CNTNAP2: variants seen among roughly 807,000 people sequenced by gnomAD.
CNTNAP2 encodes contactin associated protein 2.
CNTNAP2 carries 98 observed loss-of-function variants against 155.2 expected under a neutral mutation model. The ratio of observed to expected loss-of-function variants is 0.63; its 90% confidence interval spans 0.54 to 0.75. The LOEUF (loss-of-function observed/expected upper bound fraction) is 0.75, where lower values mean the gene tolerates loss of function less well. Among genes scored for constraint, CNTNAP2 ranks in the 30% least tolerant of loss-of-function variants. The probability of loss-of-function intolerance (pLI) is 0.00; values close to 1 mark genes in which losing one functional copy is unlikely to be tolerated. For synonymous variants in CNTNAP2, 651 were observed against 631.2 expected, an observed-to-expected ratio of 1.03 and a Z score of -0.47; for missense variants, 1,727 against 1,688.1, an observed-to-expected ratio of 1.02 and a Z score of -0.40.
rs112352086 is a variant in CNTNAP2, at chr7:147,391,122, T to C, written c.1499-4487T>C. On this transcript the variant is annotated intron_variant, in intron 9 of 23. Transcript: ENST00000361727. Reference sequence around the variant, plus strand: ...TCTTAAGACCTGTAAACAAGTTTTGTGCCATCCTCACACCACATATACAAT... The same window carrying C: ...TCTTAAGACCTGTAAACAAGTTTTGCGCCATCCTCACACCACATATACAAT... 1.8e-3 allele frequency among the ~76,000 whole-genome samples: 279 copies of C among 152,280 alleles called. 1 individual carries two copies. Among genetic ancestry groups the C allele is most frequent in the African/African-American group, 6.4e-3 (267 of 41,582 alleles).
intron 8 of CNTNAP2, among the ~76,000 whole-genome samples, chr7:147,239,344 A>G (rs1369022744): frequency 2.0e-5 from 3 of 147,524 alleles, no homozygotes; most frequent in East Asian, 3.9e-4. Flanking sequence ...CGTCTCTACT[A>G]AAAAAAAAAT....
At chr7:146,904,450 T>C (rs1441850147) in intron 3 of CNTNAP2, among the ~76,000 whole-genome samples, 1 of 152,136 alleles carries the variant, frequency 6.6e-6, no homozygotes, top group Admixed American at 6.5e-5. Context: ...ATTCAAACTT[T>C]GTTGAATGAG....
intron 8 of CNTNAP2, among the ~76,000 whole-genome samples, chr7:147,176,301 C>A (rs1482890713): frequency 6.6e-6 from 1 of 152,108 alleles, no homozygotes; most frequent in Non-Finnish European, 1.5e-5. Context: ...CCCTTCAGTG[C>A]TACGGATTAA....
rs71527884 is a variant in CNTNAP2, at chr7:148,181,741, CTTTTTTTTTTT to C, written c.3010+9287_3010+9297del. Among the ~76,000 whole-genome samples, 5 of 48,648 alleles carry C rather than the reference CTTTTTTTTTTT, an allele frequency of 1.0e-4. No individual in the cohort carries two copies. The Admixed American group carries it at 1.1e-3, about 11-fold the overall frequency. The allele number at this position is 48,648 out of a possible 152,430, so 31.9% of individuals were successfully genotyped here. The stretch of plus-strand genomic sequence containing the variant: ...ATAACTTTTGTTTCAAGTGTGTGCC[CTTTTTTTTTTT>C]TTTTTTTTTTTTTTTTTTTTTTTGA... On this transcript the variant is annotated intron_variant, in intron 18 of 23. Coordinates refer to ENST00000361727, the MANE Select transcript of CNTNAP2 (RefSeq NM_014141.6).
intron 1 of CNTNAP2, among the ~76,000 whole-genome samples, chr7:146,728,611 CAAAAAA>C (rs35250478): frequency 8.7e-6 from 1 of 115,154 alleles, no homozygotes; most frequent in African/African-American, 2.7e-5. Context: ...TTTTAGGCTG[CAAAAAA>C]AAAAAAAACG....
At chr7:146,330,105 C>T (rs1300604486) in intron 1 of CNTNAP2, among the ~76,000 whole-genome samples, 2 of 146,538 alleles carry the variant, frequency 1.4e-5, no homozygotes, top group African/African-American at 5.2e-5. Flanking sequence ...TCACTGCAAC[C>T]TCCGCCTCCC....
In CNTNAP2 at chr7:147,919,497, C is replaced by T. The variant is rs778985907; in HGVS notation, c.2255+15776C>T. On this transcript the variant is annotated intron_variant, in intron 14 of 23. Transcript: ENST00000361727. ...TTTTTGAGACAGAGTCTTGCTCTGT[C>T]TCCCAGGCTGGAGTGCAGTGGCGCA... Among the ~76,000 whole-genome samples, 13 of 35,814 alleles carry T rather than the reference C, an allele frequency of 3.6e-4. 2 individuals are homozygous for T. Among genetic ancestry groups the T allele is most frequent in the Non-Finnish European group, 7.2e-4 (12 of 16,716 alleles). The allele number at this position is 35,814 out of a possible 152,430, so 23.5% of individuals were successfully genotyped here.
intron 3 of CNTNAP2, among the ~76,000 whole-genome samples, chr7:146,971,735 C>T (rs1448024513): frequency 1.3e-5 from 2 of 152,104 alleles, no homozygotes; most frequent in African/African-American, 4.8e-5. Context: ...GGCACTCATT[C>T]CATTCATGAG....
intron 1 of CNTNAP2, among the ~76,000 whole-genome samples, chr7:146,457,438 A>ATT (rs1796570790): frequency 7.4e-6 from 1 of 135,692 alleles, no homozygotes; most frequent in African/African-American, 2.7e-5. Flanking sequence ...GAAGCTATAA[A>ATT]TGAATCAAAT....
At chr7:148,001,891 A>G (rs1801905612) in intron 15 of CNTNAP2, among the ~76,000 whole-genome samples, 1 of 152,194 alleles carries the variant, frequency 6.6e-6, no homozygotes, top group African/African-American at 2.4e-5. Context: ...ACTTGTATTC[A>G]GAAATAAGCT....
chr7:146,564,957 G>T (rs1039133418), intron 1 of CNTNAP2, among the ~76,000 whole-genome samples: 1 of 152,058 alleles, frequency 6.6e-6, no homozygotes, highest in Non-Finnish European at 1.5e-5. Flanking sequence ...TCAAGATCAC[G>T]TGGCTAGGAG....
chr7:146,398,887 A>G (rs995351261), intron 1 of CNTNAP2, among the ~76,000 whole-genome samples: 1 of 151,960 alleles, frequency 6.6e-6, no homozygotes. Context: ...TTTTTAAAAT[A>G]CTTAATATTT....
chr7:147,061,405 A>T (rs1042062671), intron 4 of CNTNAP2, among the ~76,000 whole-genome samples: 1 of 152,258 alleles, frequency 6.6e-6, no homozygotes, highest in African/African-American at 2.4e-5. Context: ...ATTCAGATGC[A>T]CATAAAAGTT....
intron 8 of CNTNAP2, among the ~76,000 whole-genome samples, chr7:147,245,933 ATATATT>A (rs1168521064): frequency 1.3e-5 from 2 of 150,696 alleles, no homozygotes; most frequent in East Asian, 1.9e-4. Flanking sequence ...GCACACATGT[ATATATT>A]TATATATACA....
At chr7:148,266,939 G>A in intron 20 of CNTNAP2, 94 bp from the exon 21 acceptor site, 12 of 1,134,390 alleles carry the variant, frequency 1.1e-5, no homozygotes, top group Middle Eastern at 1.9e-4. Context: ...AGAAAACCAG[G>A]GTTCAAAGAG....
At chr7:146,410,202 C>T in intron 1 of CNTNAP2, among the ~76,000 whole-genome samples, 1 of 152,114 alleles carries the variant, frequency 6.6e-6, no homozygotes, top group East Asian at 1.9e-4. Context: ...CAAATGACTG[C>T]CTGTGAGCTA....
Position 148,365,866 on chromosome 7 carries a change from A to G in CNTNAP2, c.3476-17783A>G, listed in dbSNP as rs1387393938. Among the ~76,000 whole-genome samples the G allele has an allele frequency of 6.3e-5, 6 of 95,940 alleles. 3 individuals are homozygous for G. Among genetic ancestry groups the G allele is most frequent in the South Asian group, 5.4e-4 (2 of 3,706 alleles). 62.9% of individuals were successfully genotyped at this position (95,940 alleles called of 152,430 possible). A position where few individuals can be genotyped will look rare whatever the true frequency, so the allele number is the denominator to read the frequency against. On this transcript the variant is annotated intron_variant, in intron 21 of 23. Transcript: ENST00000361727. ...TGCATGTGTATGCATGTATACATGT[A>G]TGTGTATGCATGTATACATGTATGT...
chr7:147,871,781 C>T (rs527902974), intron 13 of CNTNAP2, among the ~76,000 whole-genome samples: 106 of 151,714 alleles, frequency 7.0e-4, no homozygotes, highest in Non-Finnish European at 1.2e-3. Flanking sequence ...CTATGTGAGT[C>T]GTGGCCGAAT....
intron 17 of CNTNAP2, among the ~76,000 whole-genome samples, chr7:148,163,417 C>T (rs1805589909): frequency 6.6e-6 from 1 of 152,150 alleles, no homozygotes; most frequent in Non-Finnish European, 1.5e-5. Context: ...CCACCATAGC[C>T]TCTACAATGA....
Sources: gnomAD v4.1 joint callset for allele counts (sites outside exome capture counted in the v4.1 genomes callset) on GRCh38, gnomAD v4.1.1 for gene constraint, MANE v1.5 for transcripts, NCBI Gene and HGNC (gene_info 2026-07-23, HGNC 2026-07-21) for gene names.